The following PRKN variants were observed in gnomAD, a reference collection of about 807,000 sequenced individuals.
PRKN encodes parkin RBR E3 ubiquitin protein ligase.
A neutral mutation model predicts 59.5 loss-of-function variants in PRKN; 56 were observed. The observed-to-expected ratio is 0.94, with a 90% CI of 0.76 to 1.18. PRKN has a LOEUF of 1.18. Among genes scored for constraint, PRKN ranks in the 50% most tolerant of loss-of-function variants. The pLI is 0.00. For missense variants in PRKN, 657 were observed against 596.4 expected (o/e 1.10, Z -1.06); for synonymous variants, 250 against 222.1 (o/e 1.13, Z -1.12).
chr6:162,587,428 G>A (rs993330766), intron 1 of PRKN, among the ~76,000 whole-genome samples: 7 of 152,014 alleles, frequency 4.6e-5, no homozygotes, highest in African/African-American at 1.2e-4. Flanking sequence ...GAGCCACCAC[G>A]CCCAGCCCAC....
At chr6:162,713,472 CAACA>C (rs1393454520) in intron 1 of PRKN, among the ~76,000 whole-genome samples, 3 of 103,600 alleles carry the variant, frequency 2.9e-5, no homozygotes, top group Non-Finnish European at 5.3e-5. Flanking sequence ...CCAGCCTGGG[CAACA>C]GAGTGAGACT....
intron 9 of PRKN, among the ~76,000 whole-genome samples, chr6:161,438,972 T>C (rs1400278467): frequency 2.6e-5 from 4 of 151,952 alleles, no homozygotes; most frequent in African/African-American, 4.8e-5. Context: ...ATGGAAACTG[T>C]TCTTTTAGCA....
At chr6:162,139,175 G>T (rs1340811652) in intron 4 of PRKN, among the ~76,000 whole-genome samples, 1 of 152,138 alleles carries the variant, frequency 6.6e-6, no homozygotes, top group Non-Finnish European at 1.5e-5. Context: ...TGTACATTTT[G>T]CTGTCACTAT....
At chr6:162,667,874 A>G (rs1227751431) in intron 1 of PRKN, among the ~76,000 whole-genome samples, 2 of 152,186 alleles carry the variant, frequency 1.3e-5, no homozygotes, top group Non-Finnish European at 2.9e-5. Context: ...TGAAGACTAA[A>G]TTAAATGATA....
rs969098061 is a variant in PRKN at position 161,475,982 on chromosome 6, G to C, written c.1083+72872C>G. Among the ~76,000 whole-genome samples the C allele has an allele frequency of 2.1e-4, 32 of 152,068 alleles. No individual in the cohort carries two copies. Among genetic ancestry groups the C allele is most frequent in the Middle Eastern group, 3.4e-3 (1 of 294 alleles). ...TGGGCGGATCACGAGGTCAGGAGAT[G>C]GAGACCATCCTGGTTAACACGGTGA... On this transcript the variant is annotated intron_variant, in intron 9 of 11. Transcript: ENST00000366898. This position sits in a 1 kb window ranked among gnomAD's most constrained non-coding sequence, Gnocchi z 5.3.
intron 2 of PRKN, among the ~76,000 whole-genome samples, chr6:162,332,330 A>G (rs954111986): frequency 1.3e-5 from 2 of 152,222 alleles, no homozygotes; most frequent in Admixed American, 6.5e-5. Context: ...GTGAATGAAG[A>G]TAAGTTCTCC....
intron 1 of PRKN, among the ~76,000 whole-genome samples, chr6:162,650,552 C>T (rs1396738567): frequency 6.7e-6 from 1 of 148,526 alleles, no homozygotes; most frequent in East Asian, 2.0e-4. Flanking sequence ...GAGCCGAGAT[C>T]CCGCCACTGC....
intron 7 of PRKN, among the ~76,000 whole-genome samples, chr6:161,748,958 C>T (rs528319532): frequency 6.6e-6 from 1 of 152,112 alleles, no homozygotes; most frequent in Non-Finnish European, 1.5e-5. Context: ...CCAGACAAAG[C>T]GAAACAAAAC....
intron 2 of PRKN, among the ~76,000 whole-genome samples, chr6:162,431,649 T>G (rs963318388): frequency 3.3e-5 from 5 of 152,190 alleles, no homozygotes; most frequent in Non-Finnish European, 5.9e-5. Flanking sequence ...CAGACTGATA[T>G]TTTTATAGTT....
chr6:161,685,885 A>G (rs1191063397), intron 7 of PRKN, among the ~76,000 whole-genome samples: 1 of 152,096 alleles, frequency 6.6e-6, no homozygotes, highest in African/African-American at 2.4e-5. Context: ...ACCCCCTTAA[A>G]TTTTGTACTC....
chr6:161,773,866 C>A (rs970254903), intron 7 of PRKN, among the ~76,000 whole-genome samples: 2 of 152,034 alleles, frequency 1.3e-5, no homozygotes, highest in African/African-American at 4.8e-5. Flanking sequence ...TTTGGAGAGT[C>A]GAAATTCAAG....
chr6:161,649,040 C>G (rs1049280040), intron 7 of PRKN, among the ~76,000 whole-genome samples: 1 of 152,212 alleles, frequency 6.6e-6, no homozygotes. Context: ...AATACACCAC[C>G]TGTAATTATT....
intron 6 of PRKN, among the ~76,000 whole-genome samples, chr6:161,934,421 A>C (rs372709751): frequency 1.3e-5 from 2 of 152,168 alleles, no homozygotes; most frequent in African/African-American, 4.8e-5. Context: ...TCAACATCAA[A>C]ATTTTAGCAA....
intron 6 of PRKN, among the ~76,000 whole-genome samples, chr6:161,969,371 T>C (rs1780714310): frequency 6.6e-6 from 1 of 150,448 alleles, no homozygotes. Context: ...CCGGAGAAAG[T>C]GACCAGCCTG....
In PRKN at chr6:162,701,832, TACAC is replaced by T. The variant is rs59726370; in HGVS notation, c.7+25826_7+25829del. 2.3e-3 allele frequency among the ~76,000 whole-genome samples: 335 copies of T among 147,908 alleles called. No homozygotes were observed. In the South Asian group the frequency reaches 0.025, roughly 11 times the overall value. ...GAACACACACACACATTCACATACA[TACAC>T]ACACACACACACACTCACATACATA... On this transcript the variant is annotated intron_variant, in intron 1 of 11. Coordinates refer to ENST00000366898, the MANE Select transcript of PRKN (RefSeq NM_004562.3).
chr6:162,407,121 C>T (rs1475319825), intron 2 of PRKN, among the ~76,000 whole-genome samples: 1 of 152,142 alleles, frequency 6.6e-6, no homozygotes, highest in Non-Finnish European at 1.5e-5. Context: ...GCAACCTAGA[C>T]TTTGGGACTA....
chr6:162,675,726 T>A (rs1017413202), intron 1 of PRKN, among the ~76,000 whole-genome samples: 1 of 152,198 alleles, frequency 6.6e-6, no homozygotes. Context: ...AATCTGTAGA[T>A]TTAATAAAAT....
In PRKN at chr6:161,388,253, T is replaced by C. The variant is rs1476781742; in HGVS notation, c.1084-1376A>G. Among the ~76,000 whole-genome samples the C allele has an allele frequency of 6.6e-6, 1 of 152,176 alleles. No individual in the cohort carries two copies. Among genetic ancestry groups the C allele is most frequent in the Non-Finnish European group, 1.5e-5 (1 of 68,040 alleles). The stretch of plus-strand genomic sequence containing the variant: ...TAGGATAACAGCGATAGCTTTCTCA[T>C]ATGACCCCTGGGAGAGGTAGTGAGA... On this transcript the variant is annotated intron_variant, in intron 9 of 11. Transcript: ENST00000366898. This position sits in a 1 kb window ranked among gnomAD's most constrained non-coding sequence, Gnocchi z 4.3.
intron 3 of PRKN, among the ~76,000 whole-genome samples, chr6:162,217,271 G>C (rs868833049): frequency 7.9e-5 from 12 of 152,252 alleles, no homozygotes; most frequent in African/African-American, 2.4e-4. Flanking sequence ...GCCTCTGTGT[G>C]GGGGTAGGAA....
Sources: gnomAD v4.1 joint callset for allele counts (sites outside exome capture counted in the v4.1 genomes callset) on GRCh38, gnomAD v4.1.1 for gene constraint, Gnocchi (gnomAD v3.1) non-coding constraint, MANE v1.5 for transcripts, NCBI Gene and HGNC (gene_info 2026-07-23, HGNC 2026-07-21) for gene names.